Variants in PPP3CA observed in about 807,000 individuals in gnomAD.
The protein encoded by PPP3CA is CAM-PRP catalytic subunit.
A neutral mutation model predicts 66.5 loss-of-function variants in PPP3CA; 14 were observed. The ratio of observed to expected loss-of-function variants is 0.21; its 90% CI spans 0.14 to 0.33. The LOEUF is 0.33. PPP3CA is among the 10% of genes least tolerant of loss of function. The pLI, the probability that PPP3CA is intolerant of heterozygous loss-of-function variation, is 1.00. For synonymous variants in PPP3CA, 232 were observed against 226.2 expected, an observed-to-expected ratio of 1.03 and a Z score of -0.23; for missense variants, 317 against 639.5, an observed-to-expected ratio of 0.50 and a Z score of 5.44.
intron 8 of PPP3CA, among the ~76,000 whole-genome samples, chr4:101,075,349 C>T (rs1729139930): frequency 6.6e-6 from 1 of 152,166 alleles, no homozygotes; most frequent in Non-Finnish European, 1.5e-5. Flanking sequence ...TGCCATTAGA[C>T]TTTCCTCTCA....
intron 1 of PPP3CA, among the ~76,000 whole-genome samples, chr4:101,251,206 C>T (rs544922816): frequency 3.0e-4 from 46 of 151,916 alleles, no homozygotes; most frequent in African/African-American, 9.2e-4. Flanking sequence ...AAGAAAACAA[C>T]TGGGGAGAGC....
intron 5 of PPP3CA, among the ~76,000 whole-genome samples, chr4:101,095,109 G>T (rs531710890): frequency 1.3e-5 from 2 of 151,928 alleles, no homozygotes; most frequent in Non-Finnish European, 2.9e-5. Context: ...AATAAAACAA[G>T]ACTACATTTC....
intron 2 of PPP3CA, among the ~76,000 whole-genome samples, chr4:101,124,798 A>AG (rs1491447281): frequency 3.3e-5 from 3 of 91,278 alleles, no homozygotes; most frequent in African/African-American, 1.2e-4. Flanking sequence ...AAAGAAAGAA[A>AG]GAGAAAACTG....
chr4:101,241,168 A>C (rs1726295818), intron 1 of PPP3CA, among the ~76,000 whole-genome samples: 1 of 152,102 alleles, frequency 6.6e-6, no homozygotes, highest in Non-Finnish European at 1.5e-5. Context: ...TGCCTGGCCA[A>C]GATACATAAG....
intron 2 of PPP3CA, among the ~76,000 whole-genome samples, chr4:101,190,943 C>T (rs148196980): frequency 2.1e-4 from 32 of 152,220 alleles, no homozygotes; most frequent in Admixed American, 2.6e-4. Flanking sequence ...ATTGTAGTCA[C>T]GGGAACAAAA....
intron 2 of PPP3CA, among the ~76,000 whole-genome samples, chr4:101,170,324 G>C (rs1723835579): frequency 6.6e-6 from 1 of 151,926 alleles, no homozygotes; most frequent in South Asian, 2.1e-4. Flanking sequence ...AGATCCAATG[G>C]CAGAATATAC....
At chr4:101,248,391 G>A (rs1244515535) in intron 1 of PPP3CA, among the ~76,000 whole-genome samples, 1 of 152,076 alleles carries the variant, frequency 6.6e-6, no homozygotes, top group Non-Finnish European at 1.5e-5. Flanking sequence ...GGAATAAATG[G>A]CAATTTTTGA....
intron 1 of PPP3CA, among the ~76,000 whole-genome samples, chr4:101,285,707 C>T (rs1434676161): frequency 1.3e-5 from 2 of 150,082 alleles, no homozygotes; most frequent in Non-Finnish European, 3.0e-5. Flanking sequence ...ACACCTCTCC[C>T]AAGATGGTCA....
chr4:101,278,737 T>C (rs905904238), intron 1 of PPP3CA, among the ~76,000 whole-genome samples: 9 of 152,324 alleles, frequency 5.9e-5, no homozygotes, highest in Admixed American at 1.3e-4. Context: ...ATTTACACAA[T>C]AAATTAGAAG....
At position 101,024,648 on chromosome 4, in the gene PPP3CA, TAG is replaced by T. The variant is rs1259826961; in HGVS notation, c.*1215_*1216del. On this transcript the variant is annotated 3_prime_UTR_variant, in exon 14 of 14. Coordinates refer to ENST00000394854, the MANE Select transcript of PPP3CA (RefSeq NM_000944.5). ...ATGACATTAACAGTTGCCATGCATT[TAG>T]AGTTTCACATGTAACTACAAACTTA... The T allele has an allele frequency of 1.3e-5, 2 of 152,672 alleles. No individual in the cohort carries two copies. The highest frequency in any genetic ancestry group is 6.5e-5 in the Admixed American group (1 of 15,286). 9.5% of individuals were successfully genotyped at this position (152,672 alleles called of 1,614,324 possible).
At chr4:101,288,728 T>TAA (rs199597129) in intron 1 of PPP3CA, among the ~76,000 whole-genome samples, 1 of 151,224 alleles carries the variant, frequency 6.6e-6, no homozygotes, top group Admixed American at 6.6e-5. Context: ...TCTGTGTATT[T>TAA]AAAAAAAAAT....
intron 1 of PPP3CA, among the ~76,000 whole-genome samples, chr4:101,218,030 T>C (rs966811783): frequency 2.0e-5 from 3 of 152,232 alleles, no homozygotes; most frequent in African/African-American, 4.8e-5. Flanking sequence ...AATAGTCTTA[T>C]TACTCATCTT....
At chr4:101,171,977 ATAGTC>A (rs1304054514) in intron 2 of PPP3CA, among the ~76,000 whole-genome samples, 1 of 152,218 alleles carries the variant, frequency 6.6e-6, no homozygotes. Context: ...TGAATGAATG[ATAGTC>A]TGTAGACTAC....
rs554342254 is a variant in PPP3CA at position 101,064,627 on chromosome 4, G to C, written c.956-1270C>G. Among the ~76,000 whole-genome samples the C allele has an allele frequency of 7.2e-5, 11 of 152,056 alleles. No homozygotes were observed. In the South Asian group the frequency reaches 1.9e-3, roughly 26 times the overall value. Reference sequence around the variant, plus strand: ...GAGCTGGAGACACATCTTGGTATCTGCCTTACAATCTTTTTCAAGCAAATT... The same window carrying C: ...GAGCTGGAGACACATCTTGGTATCTCCCTTACAATCTTTTTCAAGCAAATT... On this transcript the variant is annotated intron_variant, in intron 8 of 13. Coordinates refer to ENST00000394854, the MANE Select transcript of PPP3CA (RefSeq NM_000944.5).
intron 10 of PPP3CA, among the ~76,000 whole-genome samples, chr4:101,042,451 A>G (rs534311789): frequency 9.2e-5 from 14 of 152,284 alleles, no homozygotes; most frequent in African/African-American, 3.1e-4. Context: ...GGAAGGACTT[A>G]TTATTGCCAG....
At chr4:101,339,871 A>G (rs6831471) in intron 1 of PPP3CA, among the ~76,000 whole-genome samples, 16,165 of 152,210 alleles carry the variant, frequency 0.11, 2,919 homozygotes, top group African/African-American at 0.37. Flanking sequence ...TAGAATTTCC[A>G]AAACATTCTG....
chr4:101,247,951 C>CAT (rs1033908237), intron 1 of PPP3CA, among the ~76,000 whole-genome samples: 3 of 151,932 alleles, frequency 2.0e-5, no homozygotes, highest in Non-Finnish European at 4.4e-5. Flanking sequence ...CACACACACA[C>CAT]ATATATGAGA....
At chr4:101,192,123 TG>T (rs1724625719) in intron 2 of PPP3CA, among the ~76,000 whole-genome samples, 1 of 152,212 alleles carries the variant, frequency 6.6e-6, no homozygotes, top group African/African-American at 2.4e-5. Context: ...AAATGTAAAT[TG>T]GATCCCTGCA....
chr4:101,086,268 A>C (rs2110243372), intron 6 of PPP3CA, among the ~76,000 whole-genome samples: 1 of 152,198 alleles, frequency 6.6e-6, no homozygotes, highest in East Asian at 1.9e-4. Context: ...AGATTGGTAG[A>C]TAGGAAAGGG....
Sources: allele counts gnomAD v4.1 joint callset (sites outside exome capture counted in the v4.1 genomes callset), GRCh38; gene constraint gnomAD v4.1.1; transcripts MANE v1.5; gene names NCBI Gene and HGNC (gene_info 2026-07-23, HGNC 2026-07-21).